IL1RAPL1: variants seen among roughly 807,000 people sequenced by gnomAD.
IL1RAPL1 encodes interleukin 1 receptor accessory protein like 1, also known as interleukin-1 receptor accessory protein-like 1.
In IL1RAPL1, 3 loss-of-function variants were observed where a neutral mutation model predicts 48.4. The ratio of observed to expected loss-of-function variants is 0.06; its 90% CI spans 0.03 to 0.16. The LOEUF is 0.16. IL1RAPL1 is among the 10% of genes least tolerant of loss of function. The pLI is 1.00. For missense variants in IL1RAPL1, 349 were observed against 530.6 expected, an observed-to-expected ratio of 0.66 and a Z score of 3.36; for synonymous variants, 185 against 187.7, an observed-to-expected ratio of 0.99 and a Z score of 0.12.
intron 6 of IL1RAPL1, among the ~76,000 whole-genome samples, chrX:29,853,744 A>G (rs139859734): frequency 0.02 from 2,264 of 111,810 alleles, 59 homozygotes; most frequent in African/African-American, 0.07. Context: ...CTGATGGTGT[A>G]AAAGAAAACA....
At chrX:29,894,417 A>G (rs1176633311) in intron 6 of IL1RAPL1, among the ~76,000 whole-genome samples, 3 of 112,242 alleles carry the variant, frequency 2.7e-5, no homozygotes, top group African/African-American at 9.7e-5. Flanking sequence ...TTATCGTAAG[A>G]AAACCTCACA....
chrX:29,580,846 C>T (rs1274131398), intron 5 of IL1RAPL1, among the ~76,000 whole-genome samples: 1 of 112,084 alleles, frequency 8.9e-6, no homozygotes, highest in African/African-American at 3.2e-5. Flanking sequence ...TAACAGATGA[C>T]AGCAATTCCA....
At chrX:28,867,829 T>C (rs1922115036) in intron 2 of IL1RAPL1, among the ~76,000 whole-genome samples, 1 of 111,686 alleles carries the variant, frequency 9.0e-6, no homozygotes, top group Admixed American at 9.5e-5. Flanking sequence ...TAGCAAACTT[T>C]ACTTTCAGGG....
intron 6 of IL1RAPL1, among the ~76,000 whole-genome samples, chrX:29,769,096 C>G (rs1259745891): frequency 9.0e-6 from 1 of 111,562 alleles, no homozygotes. Context: ...TATAACTTTG[C>G]CCATTCCATA....
intron 2 of IL1RAPL1, among the ~76,000 whole-genome samples, chrX:28,996,620 T>TTGTGTGTGTG (rs59015501): frequency 3.0e-4 from 32 of 108,388 alleles, no homozygotes; most frequent in African/African-American, 1.1e-3. Flanking sequence ...AATTGTTATT[T>TTGTGTGTGTG]TGTGTGTGTG....
chrX:29,141,152 G>A (rs906975097), intron 2 of IL1RAPL1, among the ~76,000 whole-genome samples: 1 of 110,348 alleles, frequency 9.1e-6, no homozygotes, highest in African/African-American at 3.3e-5. Flanking sequence ...AAAGCTTGTA[G>A]TACCTGAGTG....
At chrX:28,779,176 TA>T (rs1208682187) in intron 1 of IL1RAPL1, among the ~76,000 whole-genome samples, 1 of 111,638 alleles carries the variant, frequency 9.0e-6, no homozygotes, top group Non-Finnish European at 1.9e-5. Context: ...AGGGATTTTC[TA>T]AACTATATTG....
chrX:29,056,092 A>G (rs1927207958), intron 2 of IL1RAPL1, among the ~76,000 whole-genome samples: 1 of 111,803 alleles, frequency 8.9e-6, no homozygotes, highest in Admixed American at 9.5e-5. Context: ...CTGTTGATAA[A>G]CTATTTGTTA....
intron 1 of IL1RAPL1, among the ~76,000 whole-genome samples, chrX:28,717,418 ATTTTCT>A (rs1569157291): frequency 9.0e-6 from 1 of 111,052 alleles, no homozygotes; most frequent in Non-Finnish European, 1.9e-5. Context: ...AATACCACAT[ATTTTCT>A]TTTAGTTGGG....
At chrX:29,914,871 G>C (rs1344915271) in intron 6 of IL1RAPL1, among the ~76,000 whole-genome samples, 8 of 112,458 alleles carry the variant, frequency 7.1e-5, no homozygotes, top group Non-Finnish European at 5.6e-5. Context: ...AAAGGAGAGG[G>C]AATTTTATAC....
At chrX:29,354,837 C>A (rs901249471) in intron 3 of IL1RAPL1, among the ~76,000 whole-genome samples, 2 of 111,752 alleles carry the variant, frequency 1.8e-5, no homozygotes, top group Admixed American at 9.5e-5. Context: ...GCCCCTGTAA[C>A]AAAAGACAAA....
At chrX:28,866,306 C>T (rs1288320638) in intron 2 of IL1RAPL1, among the ~76,000 whole-genome samples, 1 of 111,714 alleles carries the variant, frequency 9.0e-6, no homozygotes, top group Non-Finnish European at 1.9e-5. Flanking sequence ...TGTTCTCACT[C>T]ATAAGTGGGA....
chrX:29,030,102 CTATT>C (rs1400586411), intron 2 of IL1RAPL1, among the ~76,000 whole-genome samples: 10 of 110,171 alleles, frequency 9.1e-5, no homozygotes, highest in African/African-American at 3.3e-4. Context: ...GTCCATTGAT[CTATT>C]TGTCTATTTT....
At chrX:28,684,381 T>G (rs747482878) in intron 1 of IL1RAPL1, among the ~76,000 whole-genome samples, 1 of 111,930 alleles carries the variant, frequency 8.9e-6, no homozygotes, top group South Asian at 3.7e-4. Flanking sequence ...AAAGTGATTT[T>G]CAGCACTTTC....
chrX:29,294,324 C>T (rs1485490954), intron 3 of IL1RAPL1, among the ~76,000 whole-genome samples: 2 of 109,083 alleles, frequency 1.8e-5, no homozygotes, highest in Non-Finnish European at 3.8e-5. Flanking sequence ...GTCGGGAGAT[C>T]GAGACCATCC....
At chrX:29,802,166 T>C (rs1272881895) in intron 6 of IL1RAPL1, among the ~76,000 whole-genome samples, 1 of 111,899 alleles carries the variant, frequency 8.9e-6, no homozygotes. Flanking sequence ...ATGTGCATCA[T>C]TGGGGAAAAA....
chrX:28,972,655 C>T (rs1429551435), intron 2 of IL1RAPL1, among the ~76,000 whole-genome samples: 1 of 111,250 alleles, frequency 9.0e-6, no homozygotes, highest in Non-Finnish European at 1.9e-5. Flanking sequence ...GGGAGAATGG[C>T]GTGAACCTAG....
chrX:28,979,698 G>T (rs922345130), intron 2 of IL1RAPL1, among the ~76,000 whole-genome samples: 5 of 112,191 alleles, frequency 4.5e-5, no homozygotes, highest in Non-Finnish European at 5.6e-5. Context: ...AGAGTCAGAA[G>T]AATTACCAGC....
intron 6 of IL1RAPL1, among the ~76,000 whole-genome samples, chrX:29,882,893 T>C (rs949994892): frequency 7.1e-5 from 8 of 111,889 alleles, no homozygotes; most frequent in African/African-American, 2.6e-4. Flanking sequence ...GAAACTACCA[T>C]GGTTTGAAGA....
Sources: allele counts gnomAD v4.1 joint callset (sites outside exome capture counted in the v4.1 genomes callset), GRCh38; gene constraint gnomAD v4.1.1; transcripts MANE v1.5; gene names NCBI Gene and HGNC (gene_info 2026-07-23, HGNC 2026-07-21).